CCDC102B: variants seen among roughly 807,000 people sequenced by gnomAD.
The protein encoded by CCDC102B is coiled-coil domain-containing protein 102B.
A neutral mutation model predicts 57.4 loss-of-function variants in CCDC102B; 75 were observed. That is an observed-to-expected ratio of 1.31 (90% CI 1.08 to 1.58). The LOEUF is 1.58. Ranked by LOEUF, CCDC102B falls within the 40% of genes most tolerant of loss-of-function variation. The probability of loss-of-function intolerance (pLI) is 0.00; values close to 1 mark genes in which losing one functional copy is unlikely to be tolerated. For synonymous variants in CCDC102B, 206 were observed against 201.9 expected (o/e 1.02, Z -0.17); for missense variants, 636 against 582.6 (o/e 1.09, Z -0.94).
chr18:69,016,186 A>G (rs892221659), intron 7 of CCDC102B, among the ~76,000 whole-genome samples: 2 of 152,218 alleles, frequency 1.3e-5, no homozygotes, highest in Middle Eastern at 3.4e-3. Context: ...TTTCATTATC[A>G]TAGCACAGGT....
At chr18:68,788,040 G>C (rs1440641375) in intron 2 of CCDC102B, among the ~76,000 whole-genome samples, 3 of 150,590 alleles carry the variant, frequency 2.0e-5, no homozygotes, top group African/African-American at 4.9e-5. Flanking sequence ...CTTTGTTCTC[G>C]TTGGTTTCAA....
intron 7 of CCDC102B, among the ~76,000 whole-genome samples, chr18:69,017,427 GTTTC>G (rs1337720167): frequency 6.6e-6 from 1 of 151,936 alleles, no homozygotes; most frequent in African/African-American, 2.4e-5. Context: ...TGCCAGGCCA[GTTTC>G]TTTCTTTCGT....
chr18:68,723,839 C>T (rs898489493), intron 2 of CCDC102B, among the ~76,000 whole-genome samples: 6 of 152,194 alleles, frequency 3.9e-5, no homozygotes, highest in African/African-American at 1.2e-4. Context: ...GATGGAGGCC[C>T]TCTTCTCACA....
intron 6 of CCDC102B, among the ~76,000 whole-genome samples, chr18:68,935,767 C>T (rs944611096): frequency 3.3e-5 from 5 of 151,640 alleles, no homozygotes; most frequent in African/African-American, 1.2e-4. Flanking sequence ...GAATGAGTGG[C>T]CAGTGTTGAG....
chr18:68,807,170 T>G (rs920387170), intron 1 of CCDC102B, among the ~76,000 whole-genome samples: 1 of 152,178 alleles, frequency 6.6e-6, no homozygotes, highest in Non-Finnish European at 1.5e-5. Flanking sequence ...CTTATGTTAT[T>G]TTGATACTGA....
At chr18:68,916,365 C>T (rs993803762) in intron 6 of CCDC102B, among the ~76,000 whole-genome samples, 9 of 152,164 alleles carry the variant, frequency 5.9e-5, no homozygotes, top group African/African-American at 2.2e-4. Context: ...GTCCCATCAG[C>T]TCACTCCATG....
chr18:68,775,089 G>T (rs1413756832), intron 2 of CCDC102B, among the ~76,000 whole-genome samples: 1 of 150,230 alleles, frequency 6.7e-6, no homozygotes, highest in African/African-American at 2.4e-5. Flanking sequence ...GTCACATATA[G>T]AAATATCCCT....
At chr18:69,028,472 T>C (rs1216930737) in intron 7 of CCDC102B, among the ~76,000 whole-genome samples, 1 of 152,268 alleles carries the variant, frequency 6.6e-6, no homozygotes, top group East Asian at 1.9e-4. Context: ...TAGTAAACCA[T>C]GGAAATATTG....
At chr18:68,718,255 A>G (rs2032134733) in intron 2 of CCDC102B, 1 of 152,244 alleles carries the variant, frequency 6.6e-6, no homozygotes, top group Non-Finnish European at 1.5e-5. Context: ...GAAAAGCTAA[A>G]CAACTCGAAT....
chr18:68,955,531 C>T (rs1214299326), intron 6 of CCDC102B, among the ~76,000 whole-genome samples: 1 of 151,846 alleles, frequency 6.6e-6, no homozygotes, highest in Admixed American at 6.6e-5. Context: ...GTGCAAATAA[C>T]AATATGGGTC....
At position 68,897,400 on chromosome 18, in the gene CCDC102B, C is replaced by G; in HGVS notation, c.1235C>G (p.Ser412Ter). 6.2e-7 allele frequency: 1 copy of G among 1,611,426 alleles called. No homozygotes were observed. Among genetic ancestry groups the G allele is most frequent in the Non-Finnish European group, 8.5e-7 (1 of 1,178,782 alleles). ...TCTCAAAGTCCTGATTTCAAGATGT[C>G]ACAAATTGATCTGCAAGAAAAAAAC... ...ANSQSPDFKM[S>*]QIDLQEKNQE... The change falls in exon 6 of 8, where the codon TCA becomes TGA. Residue 412 changes from serine to a stop codon, truncating the protein, a stop_gained. Coordinates refer to ENST00000360242, the MANE Select transcript of CCDC102B (RefSeq NM_024781.3). LOFTEE classifies it high-confidence loss of function.
chr18:68,943,277 A>G (rs2145174626), intron 6 of CCDC102B, among the ~76,000 whole-genome samples: 1 of 152,264 alleles, frequency 6.6e-6, no homozygotes, highest in East Asian at 1.9e-4. Context: ...GTTCTTACTC[A>G]TTTCAAACTC....
intron 5 of CCDC102B, among the ~76,000 whole-genome samples, chr18:68,896,878 T>C (rs1599651379): frequency 1.3e-5 from 2 of 152,084 alleles, no homozygotes; most frequent in East Asian, 3.9e-4. Context: ...TGAAATGATA[T>C]TGTGTCTTCT....
At chr18:68,722,723 C>T (rs1227418166) in intron 2 of CCDC102B, among the ~76,000 whole-genome samples, 2 of 152,056 alleles carry the variant, frequency 1.3e-5, no homozygotes, top group African/African-American at 4.8e-5. Flanking sequence ...TTTCAGGAAG[C>T]GAGAGAAATA....
At chr18:68,746,128 A>G (rs2033610252) in intron 2 of CCDC102B, among the ~76,000 whole-genome samples, 1 of 152,212 alleles carries the variant, frequency 6.6e-6, no homozygotes, top group Non-Finnish European at 1.5e-5. Context: ...AACGCATGAC[A>G]TCTTGTCCTA....
At position 68,821,425 on chromosome 18, in the gene CCDC102B, G is replaced by A. The variant is rs1192231220; in HGVS notation, c.-15-15324G>A. On this transcript the variant is annotated intron_variant, in intron 1 of 7. Coordinates refer to ENST00000360242, the MANE Select transcript of CCDC102B (RefSeq NM_024781.3). Reference sequence around the variant, plus strand: ...TTAATATTTTAAAATAACTTGTTTGGATGCACTATACAATCTCTTTCCTAA... The same window carrying A: ...TTAATATTTTAAAATAACTTGTTTGAATGCACTATACAATCTCTTTCCTAA... Among the ~76,000 whole-genome samples the A allele has an allele frequency of 8.0e-5, 12 of 150,068 alleles. No individual in the cohort carries two copies. The South Asian group carries it at 2.3e-3, about 29-fold the overall frequency.
chr18:68,996,230 T>C (rs1335930572), intron 6 of CCDC102B, among the ~76,000 whole-genome samples: 2 of 152,260 alleles, frequency 1.3e-5, no homozygotes, highest in South Asian at 2.1e-4. Flanking sequence ...CAGAGGAACA[T>C]GGAAGGACCA....
At chr18:68,839,483 C>G (rs895248490) in intron 3 of CCDC102B, among the ~76,000 whole-genome samples, 25 of 152,204 alleles carry the variant, frequency 1.6e-4, no homozygotes, top group African/African-American at 6.0e-4. Context: ...TTCCAGTTAT[C>G]TATTATCTTG....
intron 6 of CCDC102B, among the ~76,000 whole-genome samples, chr18:68,955,912 A>G (rs911760381): frequency 4.6e-5 from 7 of 152,104 alleles, no homozygotes; most frequent in Admixed American, 4.6e-4. Context: ...TTGTGTTACA[A>G]ACAATCCAAT....
Sources: gnomAD v4.1 joint callset for allele counts (sites outside exome capture counted in the v4.1 genomes callset) on GRCh38, gnomAD v4.1.1 for gene constraint, MANE v1.5 for transcripts, NCBI Gene and HGNC (gene_info 2026-07-23, HGNC 2026-07-21) for gene names.